The following PTPRA variants were observed in gnomAD, a reference collection of about 807,000 sequenced individuals.
PTPRA encodes receptor-type tyrosine-protein phosphatase alpha.
Under a neutral mutation model 104.8 loss-of-function variants are expected in PTPRA, and 25 were observed. The ratio of observed to expected loss-of-function variants is 0.24; its 90% CI spans 0.17 to 0.33. The LOEUF is 0.33. Ranked by LOEUF, PTPRA falls within the 10% of genes least tolerant of loss-of-function variation. PTPRA has a pLI of 1.00. For synonymous variants in PTPRA, 323 were observed against 368.9 expected (o/e 0.88, Z 1.43); for missense variants, 765 against 1,015.3 (o/e 0.75, Z 3.35).
chr20:3,007,876 A>G (rs2063950579), intron 11 of PTPRA, among the ~76,000 whole-genome samples: 1 of 152,148 alleles, frequency 6.6e-6, no homozygotes, highest in South Asian at 2.1e-4. Context: ...TTAGCCATAT[A>G]TGAACCAAGG....
chr20:2,941,710 C>G (rs762022800), intron 2 of PTPRA, among the ~76,000 whole-genome samples: 2 of 152,188 alleles, frequency 1.3e-5, no homozygotes, highest in Non-Finnish European at 2.9e-5. Flanking sequence ...CTCCCCCTTA[C>G]TCTTTATACT....
At chr20:2,910,247 AATAT>A (rs1284980146) in intron 1 of PTPRA, among the ~76,000 whole-genome samples, 6 of 99,538 alleles carry the variant, frequency 6.0e-5, no homozygotes, top group Admixed American at 3.6e-4. Flanking sequence ...TATTATATAT[AATAT>A]ATATATAAGG....
intron 1 of PTPRA, among the ~76,000 whole-genome samples, chr20:2,919,479 A>G (rs936321923): frequency 1.3e-5 from 2 of 152,214 alleles, no homozygotes; most frequent in Non-Finnish European, 2.9e-5. Flanking sequence ...GATTGCCTAC[A>G]GTGTACTGGA....
intron 2 of PTPRA, among the ~76,000 whole-genome samples, chr20:2,938,739 T>G (rs2060798840): frequency 6.6e-6 from 1 of 152,224 alleles, no homozygotes; most frequent in Non-Finnish European, 1.5e-5. Flanking sequence ...CTTTTTAATT[T>G]CAGAAATTTT....
intron 1 of PTPRA, among the ~76,000 whole-genome samples, chr20:2,914,563 T>C (rs181054136): frequency 6.6e-6 from 1 of 151,958 alleles, no homozygotes; most frequent in African/African-American, 2.4e-5. Flanking sequence ...TGTAACTCCC[T>C]TCTCTGACAG....
intron 6 of PTPRA, among the ~76,000 whole-genome samples, chr20:2,975,494 A>C (rs1024442423): frequency 1.3e-5 from 2 of 152,214 alleles, no homozygotes; most frequent in African/African-American, 2.4e-5. Context: ...AATATATCTT[A>C]CTTTGACATG....
At chr20:2,919,026 TTAATATA>T (rs1218848639) in intron 1 of PTPRA, among the ~76,000 whole-genome samples, 2 of 152,290 alleles carry the variant, frequency 1.3e-5, no homozygotes, top group Admixed American at 6.5e-5. Flanking sequence ...AGTAAATACT[TTAATATA>T]TAATACCTGT....
At chr20:2,891,305 T>C (rs2058780699) in intron 1 of PTPRA, among the ~76,000 whole-genome samples, 1 of 152,152 alleles carries the variant, frequency 6.6e-6, no homozygotes, top group Non-Finnish European at 1.5e-5. Flanking sequence ...CTCTTTAACT[T>C]CCCAACTTTA....
chr20:2,975,659 T>A (rs73581775), intron 6 of PTPRA, among the ~76,000 whole-genome samples: 1 of 152,080 alleles, frequency 6.6e-6, no homozygotes, highest in African/African-American at 2.4e-5. Flanking sequence ...TTATATGGAT[T>A]TTATGGATTT....
intron 1 of PTPRA, among the ~76,000 whole-genome samples, chr20:2,921,187 G>A (rs2147346779): frequency 6.6e-6 from 1 of 152,188 alleles, no homozygotes; most frequent in East Asian, 1.9e-4. Context: ...AATGGGCTCT[G>A]TAGTCTCTTC....
At chr20:2,947,729 T>A (rs1442810732) in intron 2 of PTPRA, among the ~76,000 whole-genome samples, 1 of 152,124 alleles carries the variant, frequency 6.6e-6, no homozygotes. Context: ...ACAACCCCCC[T>A]GGAAAGATAA....
intron 1 of PTPRA, among the ~76,000 whole-genome samples, chr20:2,913,839 T>A (rs570346574): frequency 2.6e-5 from 4 of 152,314 alleles, no homozygotes; most frequent in African/African-American, 9.6e-5. Context: ...TTTGAGACAA[T>A]GTAAGTATCC....
intron 3 of PTPRA, among the ~76,000 whole-genome samples, chr20:2,957,959 T>G (rs1253344604): frequency 2.6e-5 from 4 of 152,148 alleles, no homozygotes; most frequent in African/African-American, 9.7e-5. Flanking sequence ...TTTTTTTTTT[T>G]TTTTAAGCAG....
chr20:3,018,985 TC>T (rs1249106366), intron 13 of PTPRA, among the ~76,000 whole-genome samples: 2 of 123,736 alleles, frequency 1.6e-5, no homozygotes. Flanking sequence ...AGGGGGCTGA[TC>T]CCCCAACCTC....
At chr20:3,024,235 AG>A (rs1421492745) in intron 16 of PTPRA, among the ~76,000 whole-genome samples, 2 of 152,160 alleles carry the variant, frequency 1.3e-5, no homozygotes, top group Non-Finnish European at 2.9e-5. Context: ...CCTTCTCTCC[AG>A]GCGTCCACCA....
intron 1 of PTPRA, among the ~76,000 whole-genome samples, chr20:2,920,334 T>C (rs1600112805): frequency 6.6e-6 from 1 of 151,608 alleles, no homozygotes; most frequent in Non-Finnish European, 1.5e-5. Context: ...GATGGAGGAG[T>C]GCAATTTTTA....
intron 6 of PTPRA, among the ~76,000 whole-genome samples, chr20:2,977,171 G>T (rs1398805025): frequency 6.6e-6 from 1 of 151,932 alleles, no homozygotes; most frequent in Admixed American, 6.6e-5. Context: ...AGCTACTCGG[G>T]AGGCTGAGTC....
intron 1 of PTPRA, among the ~76,000 whole-genome samples, chr20:2,888,440 T>C (rs568574294): frequency 9.9e-5 from 15 of 151,990 alleles, no homozygotes; most frequent in African/African-American, 3.6e-4. Flanking sequence ...GCACCCATAG[T>C]CCTAGCTACT....
Position 2,931,394 on chromosome 20 carries a change from T to C in PTPRA, c.-50+8109T>C, listed in dbSNP as rs551044373. Among the ~76,000 whole-genome samples, 200 of 152,016 alleles carry C rather than the reference T, an allele frequency of 1.3e-3. 1 individual carries two copies. The highest frequency in any genetic ancestry group is 1.4e-3 in the East Asian group (7 of 5,158). ...AAATAAAGATGTCTAGAGAATAAAT[T>C]GGGTTTAAAGGGAAGGTAATTAATT... On this transcript the variant is annotated intron_variant, in intron 2 of 23. Coordinates refer to ENST00000399903, the MANE Select transcript of PTPRA (RefSeq NM_001385305.1).
Sources: gnomAD v4.1 joint callset for allele counts (sites outside exome capture counted in the v4.1 genomes callset) on GRCh38, gnomAD v4.1.1 for gene constraint, MANE v1.5 for transcripts, NCBI Gene and HGNC (gene_info 2026-07-23, HGNC 2026-07-21) for gene names.